The following PSTPIP2 variants were observed in gnomAD, a reference collection of about 807,000 sequenced individuals.
PSTPIP2 encodes proline-serine-threonine phosphatase-interacting protein 2.
In PSTPIP2, 33 loss-of-function variants were observed where a neutral mutation model predicts 63.3. The observed-to-expected ratio is 0.52, with a 90% CI of 0.40 to 0.70. The LOEUF (loss-of-function observed/expected upper bound fraction) is 0.70, where lower values mean the gene tolerates loss of function less well. Ranked by LOEUF, PSTPIP2 falls within the 30% of genes least tolerant of loss-of-function variation. The pLI, the probability that PSTPIP2 is intolerant of heterozygous loss-of-function variation, is 0.00. For synonymous variants in PSTPIP2, 125 were observed against 132.7 expected (o/e 0.94, Z 0.40); for missense variants, 312 against 400.7 (o/e 0.78, Z 1.89).
intron 1 of PSTPIP2, among the ~76,000 whole-genome samples, chr18:46,054,960 G>C (rs994843524): frequency 4.6e-5 from 7 of 152,158 alleles, no homozygotes; most frequent in African/African-American, 1.7e-4. Flanking sequence ...TGAGGCAACA[G>C]CATATTTTAG....
intron 5 of PSTPIP2, among the ~76,000 whole-genome samples, chr18:46,009,381 A>C (rs1016026576): frequency 7.4e-6 from 1 of 134,604 alleles, no homozygotes; most frequent in Non-Finnish European, 1.5e-5. Context: ...AAAAAAAAAA[A>C]AAAAAAAAAA....
At chr18:46,014,850 A>G (rs654466) in intron 4 of PSTPIP2, among the ~76,000 whole-genome samples, 46,610 of 152,120 alleles carry the variant, frequency 0.31, 9,851 homozygotes, top group African/African-American at 0.59. Flanking sequence ...CAGGATGTAA[A>G]TTCTGGTCCT....
intron 1 of PSTPIP2, among the ~76,000 whole-genome samples, chr18:46,054,702 C>T (rs1378665559): frequency 6.7e-6 from 1 of 148,346 alleles, no homozygotes; most frequent in Non-Finnish European, 1.5e-5. Context: ...GCTCTGTCGC[C>T]CAGGTTGGAG....
intron 1 of PSTPIP2, among the ~76,000 whole-genome samples, chr18:46,070,647 A>G (rs141832704): frequency 6.6e-6 from 1 of 151,978 alleles, no homozygotes; most frequent in Non-Finnish European, 1.5e-5. Context: ...CCAAGTAACT[A>G]TATCTACAGG....
chr18:46,003,671 A>G (rs2051693639), intron 6 of PSTPIP2, among the ~76,000 whole-genome samples: 1 of 151,838 alleles, frequency 6.6e-6, no homozygotes, highest in Non-Finnish European at 1.5e-5. Flanking sequence ...TGAGGCAAAA[A>G]GAAAGCCCAG....
chr18:45,988,556 T>C (rs2051491033), intron 14 of PSTPIP2, 146 bp downstream of exon 14: 1 of 662,106 alleles, frequency 1.5e-6, no homozygotes, highest in Non-Finnish European at 2.7e-6. Flanking sequence ...AGAGGTGTCC[T>C]GAAGGGACAG....
chr18:46,065,596 C>T (rs1055496144), intron 1 of PSTPIP2, among the ~76,000 whole-genome samples: 11 of 151,984 alleles, frequency 7.2e-5, no homozygotes, highest in African/African-American at 2.4e-4. Flanking sequence ...CCTCCCGAGT[C>T]GCTGGGACTA....
At chr18:45,991,109 T>C (rs144925997) in intron 12 of PSTPIP2, among the ~76,000 whole-genome samples, 114 of 152,300 alleles carry the variant, frequency 7.5e-4, no homozygotes, top group Admixed American at 1.8e-3. Flanking sequence ...CCCACCTCAT[T>C]GTGGGGATTA....
intron 9 of PSTPIP2, among the ~76,000 whole-genome samples, chr18:45,995,398 T>C (rs594492): frequency 0.25 from 37,629 of 152,144 alleles, 6,706 homozygotes; most frequent in African/African-American, 0.49. Flanking sequence ...CCACCGCACC[T>C]GGCCTTTATG....
Position 46,015,927 on chromosome 18 carries a change from G to GGTGCTTTAGCACCCA in PSTPIP2, c.222_223insTGGGTGCTAAAGCAC (p.Lys74_Arg75insTrpValLeuLysHis). ...CGCTGCTTGAAGACTTCAAGGGCCC[G>GGTGCTTTAGCACCCA]CTTCAGGGTGCTAAAAAAAACAAGC... On this transcript the variant is annotated inframe_insertion, in exon 4 of 15. Transcript: ENST00000409746. 6.2e-7 allele frequency: 1 copy of GGTGCTTTAGCACCCA among 1,611,836 alleles called. No homozygotes were observed. Among genetic ancestry groups the GGTGCTTTAGCACCCA allele is most frequent in the Non-Finnish European group, 8.5e-7 (1 of 1,178,924 alleles).
At chr18:46,010,135 T>C (rs763460524) in intron 5 of PSTPIP2, among the ~76,000 whole-genome samples, 11 of 152,168 alleles carry the variant, frequency 7.2e-5, no homozygotes, top group African/African-American at 2.2e-4. Context: ...CTGCCCACCA[T>C]AGAGGCCAGT....
At chr18:46,064,347 G>A (rs1275503690) in intron 1 of PSTPIP2, among the ~76,000 whole-genome samples, 2 of 131,832 alleles carry the variant, frequency 1.5e-5, no homozygotes. Flanking sequence ...CTGGAGTGCA[G>A]CGGAGTGACC....
intron 14 of PSTPIP2, 131 bp from the exon 15 acceptor site, chr18:45,985,581 C>A: frequency 1.3e-6 from 1 of 791,546 alleles, no homozygotes; most frequent in Non-Finnish European, 2.0e-6. Context: ...AATGGGTATT[C>A]CAAGCAATGA....
At chr18:46,015,853 A>AG in intron 4 of PSTPIP2, 50 bp downstream of exon 4, 1 of 1,567,586 alleles carries the variant, frequency 6.4e-7, no homozygotes, top group Non-Finnish European at 8.7e-7. Flanking sequence ...CGACAGACAC[A>AG]GGGCTTGTCA....
At position 46,028,918 on chromosome 18, in the gene PSTPIP2, A is replaced by T. The variant is rs1488614680; in HGVS notation, c.135-4232T>A. ...TTCTCTTCCAAGAGGAATCCTGAAG[A>T]TGAAGAACTGCCAGCATGGTAATGC... is the stretch of plus-strand genomic sequence containing the variant. On this transcript the variant is annotated intron_variant, in intron 2 of 14. Coordinates refer to ENST00000409746, the MANE Select transcript of PSTPIP2 (RefSeq NM_024430.4). 4 of 1,484,188 alleles carry T rather than the reference A, an allele frequency of 2.7e-6. No homozygotes were observed. In the Admixed American group the frequency reaches 6.7e-5, roughly 25 times the overall value. 91.9% of individuals were successfully genotyped at this position (1,484,188 alleles called of 1,614,324 possible).
At chr18:46,037,649 T>C (rs925335885) in intron 2 of PSTPIP2, among the ~76,000 whole-genome samples, 4 of 152,108 alleles carry the variant, frequency 2.6e-5, no homozygotes, top group Non-Finnish European at 5.9e-5. Context: ...ACAAGACACA[T>C]TGGAGGAACA....
intron 1 of PSTPIP2, among the ~76,000 whole-genome samples, chr18:46,064,282 C>CTTTTTTTTTTTTTTTTTTTTTTTTTTT (rs56236802): frequency 2.8e-5 from 2 of 71,530 alleles, no homozygotes; most frequent in African/African-American, 6.5e-5. Flanking sequence ...CTTTTTCTTT[C>CTTTTTTTTTTTTTTTTTTTTTTTTTTT]TTTTTTTTTT....
chr18:46,010,944 AGGAATGCAAGCTG>A (rs1445083897), intron 5 of PSTPIP2: 6 of 451,462 alleles, frequency 1.3e-5, no homozygotes, highest in Non-Finnish European at 2.4e-5. Flanking sequence ...AGACCTGAAG[AGGAATGCAAGCTG>A]GACCTCTGAA....
chr18:46,033,109 A>G (rs1047535761), intron 2 of PSTPIP2, among the ~76,000 whole-genome samples: 2 of 152,248 alleles, frequency 1.3e-5, no homozygotes, highest in African/African-American at 4.8e-5. Context: ...TGGAACCTAG[A>G]AAGGTCTAGG....
Sources: gnomAD v4.1 joint callset for allele counts (sites outside exome capture counted in the v4.1 genomes callset) on GRCh38, gnomAD v4.1.1 for gene constraint, MANE v1.5 for transcripts, NCBI Gene and HGNC (gene_info 2026-07-23, HGNC 2026-07-21) for gene names.